The following WDR33 variants were observed in gnomAD, a reference collection of about 807,000 sequenced individuals.
WDR33 encodes pre-mRNA 3' end processing protein WDR33.
Under a neutral mutation model 164.9 loss-of-function variants are expected in WDR33, and 47 were observed. The ratio of observed to expected loss-of-function variants is 0.29; its 90% CI spans 0.23 to 0.36. The LOEUF (loss-of-function observed/expected upper bound fraction) is 0.36, where lower values mean the gene tolerates loss of function less well. Ranked by LOEUF, WDR33 falls within the 10% of genes least tolerant of loss-of-function variation. The pLI is 1.00. For missense variants in WDR33, 1,137 were observed against 1,754.1 expected (o/e 0.65, Z 6.28); for synonymous variants, 505 against 589.0 (o/e 0.86, Z 2.06).
chr2:127,730,653 A>C (rs571862281), intron 7 of WDR33, among the ~76,000 whole-genome samples: 1 of 148,202 alleles, frequency 6.7e-6, no homozygotes, highest in African/African-American at 2.6e-5. Flanking sequence ...CAAAACACAC[A>C]AACTATACAT....
intron 1 of WDR33, among the ~76,000 whole-genome samples, chr2:127,805,490 G>A (rs900433658): frequency 1.3e-5 from 2 of 152,076 alleles, no homozygotes; most frequent in African/African-American, 2.4e-5. Flanking sequence ...AACAGGAATT[G>A]AGAAACAAAA....
intron 7 of WDR33, chr2:127,736,811 C>T (rs573496253): frequency 4.1e-6 from 4 of 985,334 alleles, no homozygotes; most frequent in East Asian, 2.3e-4. Context: ...TTTGCTGAAA[C>T]TTACATATCA....
In WDR33 at chr2:127,722,774, A is replaced by T; in HGVS notation, c.1379-44T>A. On this transcript the variant is annotated intron_variant, in intron 13 of 21. Coordinates refer to ENST00000322313, the MANE Select transcript of WDR33 (RefSeq NM_018383.5). The surrounding 1 kb of genome is among the most constrained non-coding windows in gnomAD (Gnocchi z 5.1). ...GTGGTTTGCCTCTTAAATAAAAGAA[A>T]TTGGCCACTTGATCAATGAACACAT... The T allele has an allele frequency of 6.3e-7, 1 of 1,596,946 alleles. No homozygotes were observed. The highest frequency in any genetic ancestry group is 1.3e-5 in the African/African-American group (1 of 74,094).
chr2:127,706,113 A>G lies in WDR33; in HGVS notation c.*210T>C, dbSNP rs1686002173. ...CACAAAACAACATGGGAGTTGGGGC[A>G]ATGAGGGTGGACAGGACAGGGCCAG... On this transcript the variant is annotated 3_prime_UTR_variant, in exon 22 of 22. Transcript: ENST00000322313. The surrounding 1 kb of genome is among the most constrained non-coding windows in gnomAD (Gnocchi z 5.1). 1 of 407,430 alleles carries G rather than the reference A, an allele frequency of 2.5e-6. No individual in the cohort carries two copies. The highest frequency in any genetic ancestry group is 4.3e-6 in the Non-Finnish European group (1 of 232,498). 25.2% of individuals were successfully genotyped at this position (407,430 alleles called of 1,614,324 possible). A position where few individuals can be genotyped will look rare whatever the true frequency, so the allele number is the denominator to read the frequency against.
chr2:127,732,685 G>T (rs982244151), intron 7 of WDR33, among the ~76,000 whole-genome samples: 1 of 152,178 alleles, frequency 6.6e-6, no homozygotes, highest in Non-Finnish European at 1.5e-5. Context: ...GTCCCAGGAA[G>T]ATGTGCCTCA....
rs1250627805 is a variant in WDR33, at chr2:127,704,266, G to T, written c.*2057C>A. Reference sequence around the variant, plus strand: ...TAATGTAGAGGTTTATTGTTTAAATGAATTCACTCTCAAAATGTGATCTGT... The same window carrying T: ...TAATGTAGAGGTTTATTGTTTAAATTAATTCACTCTCAAAATGTGATCTGT... On this transcript the variant is annotated 3_prime_UTR_variant, in exon 22 of 22. Transcript: ENST00000322313. 1 of 166,772 alleles carries T rather than the reference G, an allele frequency of 6.0e-6. No homozygotes were observed. Among genetic ancestry groups the T allele is most frequent in the Non-Finnish European group, 1.5e-5 (1 of 68,094 alleles). The allele number at this position is 166,772 out of a possible 1,614,324, so 10.3% of individuals were successfully genotyped here.
At chr2:127,787,595 T>A (rs1688636862) in intron 1 of WDR33, among the ~76,000 whole-genome samples, 1 of 85,144 alleles carries the variant, frequency 1.2e-5, no homozygotes, top group Non-Finnish European at 2.3e-5. Context: ...GGCTCCTCAC[T>A]TCCCAGTAGG....
chr2:127,717,270 A>G lies in WDR33; in HGVS notation c.2761-7T>C. Reference sequence around the variant, plus strand: ...GGCCTGTGCTCTGTCCTTCCTGAAAATATGTTTTTAAAGTAAGGGTATGAA... The same window carrying G: ...GGCCTGTGCTCTGTCCTTCCTGAAAGTATGTTTTTAAAGTAAGGGTATGAA... On this transcript the variant is annotated splice_region_variant and splice_polypyrimidine_tract_variant and intron_variant, in intron 16 of 21. Coordinates refer to ENST00000322313, the MANE Select transcript of WDR33 (RefSeq NM_018383.5). The surrounding 1 kb of genome is among the most constrained non-coding windows in gnomAD (Gnocchi z 5.6). The G allele has an allele frequency of 1.9e-6, 3 of 1,563,810 alleles. No individual in the cohort carries two copies. Among genetic ancestry groups the G allele is most frequent in the Non-Finnish European group, 2.6e-6 (3 of 1,158,352 alleles).
chr2:127,711,844 C>A (rs1686187832), intron 18 of WDR33, among the ~76,000 whole-genome samples: 1 of 144,954 alleles, frequency 6.9e-6, no homozygotes, highest in Non-Finnish European at 1.5e-5. Flanking sequence ...GCAATCTTGG[C>A]TCACTGCTAT....
At chr2:127,805,884 A>G (rs990594836) in intron 1 of WDR33, among the ~76,000 whole-genome samples, 3 of 151,678 alleles carry the variant, frequency 2.0e-5, no homozygotes, top group African/African-American at 7.2e-5. Context: ...GTTGCCACCT[A>G]TAGCTGGAAT....
intron 1 of WDR33, among the ~76,000 whole-genome samples, chr2:127,779,251 T>G (rs747914486): frequency 7.9e-5 from 12 of 151,984 alleles, no homozygotes; most frequent in Non-Finnish European, 1.8e-4. Flanking sequence ...ATGGATCACT[T>G]GAGGTCAGGA....
Position 127,717,366 on chromosome 2 carries a change from T to C in WDR33, c.2761-103A>G. 1.1e-6 allele frequency: 1 copy of C among 913,114 alleles called. No individual in the cohort carries two copies. The highest frequency in any genetic ancestry group is 3.0e-5 in the East Asian group (1 of 32,838). 56.6% of individuals were successfully genotyped at this position (913,114 alleles called of 1,614,324 possible). A position where few individuals can be genotyped will look rare whatever the true frequency, so the allele number is the denominator to read the frequency against. Reference sequence around the variant, plus strand: ...CAAGATAAAAATACCCAGTAAATATTTACCTAGTAAGATTACAGTAACATT... The same window carrying C: ...CAAGATAAAAATACCCAGTAAATATCTACCTAGTAAGATTACAGTAACATT... On this transcript the variant is annotated intron_variant, in intron 16 of 21. Coordinates refer to ENST00000322313, the MANE Select transcript of WDR33 (RefSeq NM_018383.5). The surrounding 1 kb of genome is among the most constrained non-coding windows in gnomAD (Gnocchi z 5.6).
At chr2:127,757,164 T>C (rs924568079) in intron 7 of WDR33, among the ~76,000 whole-genome samples, 1 of 151,644 alleles carries the variant, frequency 6.6e-6, no homozygotes, top group Middle Eastern at 3.2e-3. Flanking sequence ...CTAAATATAC[T>C]AGCAGCAGCA....
intron 1 of WDR33, among the ~76,000 whole-genome samples, chr2:127,778,620 T>C (rs567665772): frequency 6.6e-6 from 1 of 152,184 alleles, no homozygotes; most frequent in South Asian, 2.1e-4. Flanking sequence ...GAGACACTAC[T>C]ACGCTGTGTG....
chr2:127,760,173 A>G (rs72846267), intron 7 of WDR33, among the ~76,000 whole-genome samples: 9,991 of 152,324 alleles, frequency 0.066, 439 homozygotes, highest in Middle Eastern at 0.16. Context: ...GTCTGTGAGT[A>G]GAAGGCTAGT....
intron 1 of WDR33, among the ~76,000 whole-genome samples, chr2:127,792,580 AT>A (rs1254081498): frequency 6.6e-6 from 1 of 152,056 alleles, no homozygotes; most frequent in Admixed American, 6.6e-5. Context: ...AGGCAGGAGA[AT>A]CGCTTGAACC....
intron 1 of WDR33, among the ~76,000 whole-genome samples, chr2:127,771,493 T>C (rs914517309): frequency 4.6e-5 from 7 of 152,310 alleles, no homozygotes; most frequent in South Asian, 4.1e-4. Context: ...TGCATGACTA[T>C]ATTAGATCAA....
intron 1 of WDR33, among the ~76,000 whole-genome samples, chr2:127,776,790 G>T (rs1453546878): frequency 2.0e-5 from 3 of 152,198 alleles, no homozygotes; most frequent in Non-Finnish European, 4.4e-5. Context: ...TATTGACCAC[G>T]ACAGAAAGAA....
rs767386005 is a variant in WDR33 at position 127,726,209 on chromosome 2, C to A, written c.851+442G>T. ...AGAAAACTAGATTACATAGCTGCAT[C>A]GTAAGTAAGCCCATCAGACAAAAAA... On this transcript the variant is annotated intron_variant, in intron 8 of 21. Transcript: ENST00000322313. This position sits in a 1 kb window ranked among gnomAD's most constrained non-coding sequence, Gnocchi z 4.8. Among the ~76,000 whole-genome samples the A allele has an allele frequency of 6.6e-6, 1 of 152,162 alleles. No individual in the cohort carries two copies. The highest frequency in any genetic ancestry group is 1.5e-5 in the Non-Finnish European group (1 of 68,026).
Sources: gnomAD v4.1 joint callset for allele counts (sites outside exome capture counted in the v4.1 genomes callset) on GRCh38, gnomAD v4.1.1 for gene constraint, Gnocchi (gnomAD v3.1) non-coding constraint, MANE v1.5 for transcripts, NCBI Gene and HGNC (gene_info 2026-07-23, HGNC 2026-07-21) for gene names.